MYOM1: variants seen among roughly 807,000 people sequenced by gnomAD.
The protein encoded by MYOM1 is myomesin-1.
Under a neutral mutation model 205.3 loss-of-function variants are expected in MYOM1, and 164 were observed. That is an observed-to-expected ratio of 0.80 (90% CI 0.70 to 0.91). The LOEUF is 0.91. Ranked by LOEUF, MYOM1 falls within the 40% of genes least tolerant of loss-of-function variation. The probability of loss-of-function intolerance (pLI) is 0.00; values close to 1 mark genes in which losing one functional copy is unlikely to be tolerated. For missense variants in MYOM1, 2,011 were observed against 2,127.3 expected (o/e 0.95, Z 1.08); for synonymous variants, 772 against 789.4 (o/e 0.98, Z 0.37).
intron 5 of MYOM1, among the ~76,000 whole-genome samples, chr18:3,186,979 G>A (rs2080826253): frequency 6.6e-6 from 1 of 151,036 alleles, no homozygotes; most frequent in Non-Finnish European, 1.5e-5. Context: ...AAAGAAAGAA[G>A]AAAGAAAAAA....
At chr18:3,224,913 A>G (rs1014643666), upstream of MYOM1, among the ~76,000 whole-genome samples, 1 of 151,116 alleles carries the variant, frequency 6.6e-6, no homozygotes, top group South Asian at 2.1e-4. Context: ...GATCCACCCA[A>G]CTCGGCCTCC....
intron 8 of MYOM1, among the ~76,000 whole-genome samples, chr18:3,172,365 G>A (rs928616126): frequency 1.4e-4 from 21 of 152,144 alleles, no homozygotes; most frequent in Admixed American, 9.8e-4. Flanking sequence ...TTCAGTCCCC[G>A]CCTTGACAGA....
chr18:3,116,282 TTAG>T, intron 21 of MYOM1, 46 bp downstream of exon 21: 1 of 1,560,290 alleles, frequency 6.4e-7, no homozygotes, highest in Non-Finnish European at 8.7e-7. Context: ...AAAGTTCGTA[TTAG>T]TAGAGCAGTT....
chr18:3,181,588 C>T (rs1429319506), intron 5 of MYOM1, among the ~76,000 whole-genome samples: 2 of 151,888 alleles, frequency 1.3e-5, no homozygotes, highest in Non-Finnish European at 2.9e-5. Context: ...TTTACAAACC[C>T]TCATAATTTG....
intron 5 of MYOM1, among the ~76,000 whole-genome samples, chr18:3,183,719 G>A (rs2080772137): frequency 6.6e-6 from 1 of 152,092 alleles, no homozygotes; most frequent in South Asian, 2.1e-4. Context: ...TCAGTGTCAG[G>A]CCCAGGAAGC....
chr18:3,160,838 C>A (rs1352825054), intron 10 of MYOM1, among the ~76,000 whole-genome samples: 1 of 152,068 alleles, frequency 6.6e-6, no homozygotes, highest in African/African-American at 2.4e-5. Flanking sequence ...ATTGGAACAC[C>A]TTCGCCCCAT....
chr18:3,216,184 CTT>C (rs2081264586), intron 1 of MYOM1, among the ~76,000 whole-genome samples: 1 of 152,202 alleles, frequency 6.6e-6, no homozygotes, highest in East Asian at 1.9e-4. Flanking sequence ...AGGAGAATCA[CTT>C]GAACTCAGAG....
chr18:3,223,692 T>C (rs2081340998), upstream of MYOM1, among the ~76,000 whole-genome samples: 1 of 152,218 alleles, frequency 6.6e-6, no homozygotes, highest in Admixed American at 6.5e-5. Context: ...CAACATTCTG[T>C]GTGGAGCAAT....
At chr18:3,081,365 C>A (rs2079084284) in intron 33 of MYOM1, among the ~76,000 whole-genome samples, 1 of 152,168 alleles carries the variant, frequency 6.6e-6, no homozygotes. Context: ...AAAGTGAAGA[C>A]TAAAATCCGT....
intron 13 of MYOM1, among the ~76,000 whole-genome samples, chr18:3,146,610 A>G (rs2080126256): frequency 6.6e-6 from 1 of 152,022 alleles, no homozygotes; most frequent in Non-Finnish European, 1.5e-5. Context: ...AGTAGAAGAA[A>G]TTTTCCTCAA....
At chr18:3,243,277 T>G in the MYOM1 span, among the ~76,000 whole-genome samples, 1 of 152,238 alleles carries the variant, frequency 6.6e-6, no homozygotes, top group Non-Finnish European at 1.5e-5. Context: ...ATCATAAATA[T>G]TTCATGTATG....
chr18:3,187,490 GA>G lies in MYOM1; in HGVS notation c.918del (p.Arg307ValfsTer11). ...LHCSIAGWPE[P>X]RVTWYKNQVP... ...ATAAAGATAACATACCACGTGACAC[GA>G]GGTTCTGGCCAGCCTGCTATGGAGC... On this transcript the variant is annotated frameshift_variant, in exon 5 of 38. Transcript: ENST00000356443. LOFTEE classifies it high-confidence loss of function. 1 of 1,613,350 alleles carries G rather than the reference GA, an allele frequency of 6.2e-7. No individual in the cohort carries two copies. Among genetic ancestry groups the G allele is most frequent in the Non-Finnish European group, 8.5e-7 (1 of 1,179,476 alleles).
chr18:3,102,470 T>C lies in MYOM1; in HGVS notation c.3575+4A>G. 6.2e-7 allele frequency: 1 copy of C among 1,609,528 alleles called. No homozygotes were observed. The highest frequency in any genetic ancestry group is 8.5e-7 in the Non-Finnish European group (1 of 1,177,566). ...CCCATGATTGTGATTGACATAGTCC[T>C]TACTTGTTGCCCTTGCTTTCGACTT... On this transcript the variant is annotated splice_donor_region_variant and intron_variant, in intron 23 of 37. Coordinates refer to ENST00000356443, the MANE Select transcript of MYOM1 (RefSeq NM_003803.4).
rs145538498 is a variant in MYOM1 at position 3,213,110 on chromosome 18, A to C, written c.290+1824T>G. ...CCATCACTGATAAAATGATAGCTGT[A>C]GATCAGGTGCTGCTCAAACCCAACA... On this transcript the variant is annotated intron_variant, in intron 2 of 37. Transcript: ENST00000356443. 2.6e-4 allele frequency among the ~76,000 whole-genome samples: 40 copies of C among 152,362 alleles called. No individual in the cohort carries two copies. The East Asian group carries it at 6.9e-3, about 26-fold the overall frequency.
intron 28 of MYOM1, 94 bp downstream of exon 28, chr18:3,089,443 A>C: frequency 1.1e-6 from 1 of 941,190 alleles, no homozygotes. Context: ...TAACATAATC[A>C]ATAATATTCA....
intron 21 of MYOM1, among the ~76,000 whole-genome samples, chr18:3,115,349 G>T (rs777770835): frequency 1.3e-5 from 2 of 152,140 alleles, no homozygotes; most frequent in African/African-American, 4.8e-5. Context: ...TCTCCTGGAG[G>T]ATATATTTAC....
intron 20 of MYOM1, among the ~76,000 whole-genome samples, chr18:3,119,031 A>C (rs1341482280): frequency 1.3e-5 from 2 of 152,136 alleles, no homozygotes; most frequent in Non-Finnish European, 2.9e-5. Flanking sequence ...TTTAAATCTT[A>C]ACGGCTTAGT....
rs147050513 is a variant in MYOM1 at position 3,102,501 on chromosome 18, C to T, written c.3548G>A (p.Arg1183Gln). ...KDYVSTEDSP[R>Q]LEVESKGNKT... ...GTTGCCCTTGCTTTCGACTTCCAAT[C>T]GTGGAGAGTCCTCAGTGGATACATA... Residue 1183 changes from arginine to glutamine, a missense_variant, in exon 23 of 38, where the codon CGA becomes CAA. Transcript: ENST00000356443. The T allele has an allele frequency of 2.3e-4, 366 of 1,612,752 alleles. 6 individuals carry two copies. The Middle Eastern group carries it at 0.013, about 55-fold the overall frequency.
intron 37 of MYOM1, among the ~76,000 whole-genome samples, chr18:3,071,310 C>G (rs1214385798): frequency 1.3e-5 from 2 of 152,160 alleles, no homozygotes; most frequent in East Asian, 3.9e-4. Flanking sequence ...CTATTAGAGA[C>G]AAACTTTTAT....
Sources: allele counts gnomAD v4.1 joint callset (sites outside exome capture counted in the v4.1 genomes callset), GRCh38; gene constraint gnomAD v4.1.1; transcripts MANE v1.5; gene names NCBI Gene and HGNC (gene_info 2026-07-23, HGNC 2026-07-21).